NCOA6: variants seen among roughly 807,000 people sequenced by gnomAD.
NCOA6 encodes NRC RAP250.
In NCOA6, 49 loss-of-function variants were observed where a neutral mutation model predicts 171.4. The observed-to-expected ratio is 0.29, with a 90% CI of 0.23 to 0.36. The LOEUF is 0.36. Ranked by LOEUF, NCOA6 falls within the 10% of genes least tolerant of loss-of-function variation. The probability of loss-of-function intolerance (pLI) is 1.00; values close to 1 mark genes in which losing one functional copy is unlikely to be tolerated. For missense variants in NCOA6, 2,248 were observed against 2,554.5 expected (o/e 0.88, Z 2.59); for synonymous variants, 910 against 927.5 (o/e 0.98, Z 0.34).
chr20:34,768,385 A>C, intron 5 of NCOA6, 79 bp downstream of exon 5: 2 of 1,562,008 alleles, frequency 1.3e-6, no homozygotes, highest in Non-Finnish European at 1.7e-6. Flanking sequence ...ACCCCCACCT[A>C]TCTTGCAGGG....
intron 4 of NCOA6, among the ~76,000 whole-genome samples, chr20:34,775,644 C>A: frequency 7.8e-6 from 1 of 128,694 alleles, no homozygotes; most frequent in African/African-American, 3.0e-5. Context: ...GAGATCATGC[C>A]ACTACACTCC....
At chr20:34,814,306 TCCA>T (rs2078762666) in intron 1 of NCOA6, among the ~76,000 whole-genome samples, 1 of 151,694 alleles carries the variant, frequency 6.6e-6, no homozygotes, top group Admixed American at 6.6e-5. Context: ...GCCACTACAC[TCCA>T]GCCTGGGTGA....
At chr20:34,717,762 C>T (rs566343115) in intron 14 of NCOA6, among the ~76,000 whole-genome samples, 61 of 152,254 alleles carry the variant, frequency 4.0e-4, no homozygotes, top group African/African-American at 1.4e-3. Context: ...AAATCTCAAG[C>T]GTTATTTTCA....
intron 2 of NCOA6, among the ~76,000 whole-genome samples, chr20:34,790,578 A>C (rs2077843172): frequency 6.6e-6 from 1 of 152,036 alleles, no homozygotes; most frequent in African/African-American, 2.4e-5. Flanking sequence ...GATGGTCTCG[A>C]TCTCCTGACC....
chr20:34,715,401 A>G, intron 14 of NCOA6, 36 bp from the exon 15 acceptor site: 1 of 1,498,936 alleles, frequency 6.7e-7, no homozygotes, highest in Non-Finnish European at 9.3e-7. Context: ...CAGTGGAAGT[A>G]ACTCTTTACA....
At chr20:34,823,695 T>G (rs560541752) in intron 1 of NCOA6, among the ~76,000 whole-genome samples, 1 of 152,062 alleles carries the variant, frequency 6.6e-6, no homozygotes, top group South Asian at 2.1e-4. Context: ...AGAAGGAGCA[T>G]CTCTCTTTTT....
At chr20:34,727,497 A>T (rs1201523492) in intron 13 of NCOA6, 90 bp from the exon 14 acceptor site, 33 of 1,376,172 alleles carry the variant, frequency 2.4e-5, no homozygotes, top group Non-Finnish European at 3.1e-5. Context: ...TTCGTAAAGT[A>T]GGAGACTAAG....
chr20:34,758,719 A>T, intron 6 of NCOA6, 86 bp downstream of exon 6: 10 of 1,523,738 alleles, frequency 6.6e-6, no homozygotes, highest in Non-Finnish European at 8.0e-6. Flanking sequence ...GGAAATTAGA[A>T]ATTCAGCATC....
intron 1 of NCOA6, among the ~76,000 whole-genome samples, chr20:34,823,154 A>G (rs1192640110): frequency 6.6e-6 from 1 of 152,174 alleles, no homozygotes; most frequent in Admixed American, 6.5e-5. Context: ...ACTTTATTTT[A>G]TACAATTAAA....
chr20:34,718,372 T>C (rs1243969321), intron 14 of NCOA6, among the ~76,000 whole-genome samples: 1 of 152,044 alleles, frequency 6.6e-6, no homozygotes, highest in Non-Finnish European at 1.5e-5. Context: ...CTGAAAAAAA[T>C]CTGTCTGAAA....
At chr20:34,783,095 A>G (rs1025601293) in intron 2 of NCOA6, among the ~76,000 whole-genome samples, 1 of 152,224 alleles carries the variant, frequency 6.6e-6, no homozygotes, top group Non-Finnish European at 1.5e-5. Flanking sequence ...CAGCCTGGCC[A>G]ACATAATGAA....
At position 34,740,373 on chromosome 20, in the gene NCOA6, T is replaced by C. The variant is rs1363601826; in HGVS notation, c.5883A>G (p.Leu1961=). ...GCCCCAAGTACATACCTATGCTGGGTAGAAGTTCTGGATGGGATCCCACCT... is the reference window on the plus strand; with the variant it reads ...GCCCCAAGTACATACCTATGCTGGGCAGAAGTTCTGGATGGGATCCCACCT... The part of the protein sequence containing the change: ...EEKVGSHPEL[L]PSIAPSQNLV... The change falls in exon 11 of 15, where the codon CTA becomes CTG. Residue 1961 remains leucine (L), a synonymous_variant. Coordinates refer to ENST00000359003, the MANE Select transcript of NCOA6 (RefSeq NM_014071.5). The C allele has an allele frequency of 1.2e-6, 2 of 1,613,792 alleles. No individual in the cohort carries two copies. Among genetic ancestry groups the C allele is most frequent in the Non-Finnish European group, 8.5e-7 (1 of 1,179,812 alleles).
chr20:34,747,143 C>T (rs1568761310), intron 9 of NCOA6, among the ~76,000 whole-genome samples: 2 of 152,110 alleles, frequency 1.3e-5, no homozygotes, highest in Non-Finnish European at 2.9e-5. Flanking sequence ...TCTAACAGCA[C>T]TGTATTTACT....
At chr20:34,818,156 ATACT>A (rs2078901277) in intron 1 of NCOA6, among the ~76,000 whole-genome samples, 1 of 152,220 alleles carries the variant, frequency 6.6e-6, no homozygotes, top group Non-Finnish European at 1.5e-5. Flanking sequence ...TACTTATGAA[ATACT>A]TAGCACATTA....
intron 1 of NCOA6, among the ~76,000 whole-genome samples, chr20:34,795,575 GTC>G (rs539042420): frequency 6.4e-4 from 97 of 152,284 alleles, no homozygotes; most frequent in African/African-American, 2.2e-3. Flanking sequence ...AACTGGTCTG[GTC>G]TCTTCAAAAA....
intron 12 of NCOA6, among the ~76,000 whole-genome samples, chr20:34,734,009 T>C (rs2075868981): frequency 6.6e-6 from 1 of 152,138 alleles, no homozygotes. Flanking sequence ...GGCTGGAACG[T>C]ATAAACTCAG....
chr20:34,762,537 G>A (rs116995666), intron 5 of NCOA6, among the ~76,000 whole-genome samples: 1 of 150,552 alleles, frequency 6.6e-6, no homozygotes, highest in South Asian at 2.1e-4. Context: ...TTTTCATCAT[G>A]GTCATCCTCT....
At chr20:34,725,611 T>C (rs1678027006) in intron 14 of NCOA6, among the ~76,000 whole-genome samples, 2 of 152,140 alleles carry the variant, frequency 1.3e-5, no homozygotes, top group African/African-American at 4.8e-5. Flanking sequence ...TGGTAAATCA[T>C]TGAAGGGTTT....
intron 4 of NCOA6, among the ~76,000 whole-genome samples, chr20:34,772,063 A>T (rs1243689585): frequency 2.0e-5 from 3 of 152,116 alleles, no homozygotes; most frequent in Non-Finnish European, 4.4e-5. Flanking sequence ...GGTGACTCAC[A>T]TTTGTTAATC....
Sources: allele counts gnomAD v4.1 joint callset (sites outside exome capture counted in the v4.1 genomes callset), GRCh38; gene constraint gnomAD v4.1.1; transcripts MANE v1.5; gene names NCBI Gene and HGNC (gene_info 2026-07-23, HGNC 2026-07-21).